The following TBC1D14 variants were observed in gnomAD, a reference collection of about 807,000 sequenced individuals.
The protein encoded by TBC1D14 is TBC1 domain family member 14, also known as TBC1 domain family, member 14.
A neutral mutation model predicts 79.0 loss-of-function variants in TBC1D14; 26 were observed. The observed-to-expected ratio is 0.33, with a 90% CI of 0.24 to 0.46. The LOEUF is 0.46. Among genes scored for constraint, TBC1D14 ranks in the 20% least tolerant of loss-of-function variants. The pLI, the probability that TBC1D14 is intolerant of heterozygous loss-of-function variation, is 1.00. For missense variants in TBC1D14, 769 were observed against 887.6 expected (o/e 0.87, Z 1.70); for synonymous variants, 394 against 349.9 (o/e 1.13, Z -1.40).
intron 12 of TBC1D14, among the ~76,000 whole-genome samples, chr4:7,017,214 C>T (rs1182624450): frequency 6.6e-6 from 1 of 152,148 alleles, no homozygotes; most frequent in African/African-American, 2.4e-5. Context: ...GCACGAGAAT[C>T]ATTTGAACCC....
At position 6,962,263 on chromosome 4, in the gene TBC1D14, G is replaced by A. The variant is rs78326844; in HGVS notation, c.723-5041G>A. On this transcript the variant is annotated intron_variant, in intron 2 of 13. Transcript: ENST00000409757. ...TGCGCTGGCATGTGTGCATATCGGG[G>A]TAGTGGGGCAGGACTCATGAGCTAG... 3.1e-3 allele frequency among the ~76,000 whole-genome samples: 471 copies of A among 152,290 alleles called. 1 individual carries two copies. The highest frequency in any genetic ancestry group is 0.011 in the African/African-American group (442 of 41,550).
chr4:7,018,138 C>G (rs1053959661), intron 12 of TBC1D14, among the ~76,000 whole-genome samples: 6 of 152,194 alleles, frequency 3.9e-5, no homozygotes, highest in Non-Finnish European at 7.3e-5. Context: ...TCTGCTACAT[C>G]AGACCACCTT....
intron 2 of TBC1D14, among the ~76,000 whole-genome samples, chr4:6,958,826 T>C (rs561788980): frequency 3.9e-5 from 6 of 152,220 alleles, no homozygotes; most frequent in African/African-American, 1.4e-4. Context: ...CTCTTGGTTC[T>C]CAAGGTGTCC....
chr4:6,983,191 T>G (rs1160039147), intron 3 of TBC1D14, among the ~76,000 whole-genome samples: 1 of 152,086 alleles, frequency 6.6e-6, no homozygotes, highest in East Asian at 1.9e-4. Flanking sequence ...AGGCTGGTCT[T>G]GAACTCCTGA....
intron 3 of TBC1D14, among the ~76,000 whole-genome samples, chr4:6,978,000 C>A (rs1338139620): frequency 6.6e-6 from 1 of 151,250 alleles, no homozygotes; most frequent in African/African-American, 2.4e-5. Context: ...AGCCCCTCCG[C>A]CCGGCAGCCA....
intron 2 of TBC1D14, among the ~76,000 whole-genome samples, chr4:6,966,771 CTAAAT>C (rs1473025402): frequency 1.3e-5 from 2 of 152,316 alleles, no homozygotes; most frequent in East Asian, 3.9e-4. Context: ...TTTTCTTACT[CTAAAT>C]TATAGAATTA....
intron 2 of TBC1D14, among the ~76,000 whole-genome samples, chr4:6,926,476 A>G (rs1724305440): frequency 6.6e-6 from 1 of 152,230 alleles, no homozygotes; most frequent in Non-Finnish European, 1.5e-5. Context: ...GCTGCAGGAA[A>G]CAAGTGTCTC....
chr4:6,942,045 A>G (rs1029449186), intron 2 of TBC1D14, among the ~76,000 whole-genome samples: 3 of 152,218 alleles, frequency 2.0e-5, no homozygotes, highest in Admixed American at 1.3e-4. Context: ...GCCATCAGCC[A>G]CTTGCTACTC....
intron 5 of TBC1D14, chr4:6,998,757 T>C (rs141265250): frequency 0.013 from 2,787 of 213,286 alleles, 97 homozygotes; most frequent in African/African-American, 0.062. Flanking sequence ...CGGGCTGGTC[T>C]CGAACTCCTG....
chr4:6,993,465 G>A (rs1407866183), intron 3 of TBC1D14, among the ~76,000 whole-genome samples: 1 of 152,118 alleles, frequency 6.6e-6, no homozygotes, highest in African/African-American at 2.4e-5. Context: ...GATTTCCAGG[G>A]CATGGCAAAA....
chr4:6,962,654 C>T (rs1212908919), intron 2 of TBC1D14, among the ~76,000 whole-genome samples: 1 of 152,128 alleles, frequency 6.6e-6, no homozygotes. Context: ...CTACTGGCCA[C>T]CCCCCAGCTC....
At chr4:7,007,643 G>T in intron 9 of TBC1D14, 2 of 1,276,852 alleles carry the variant, frequency 1.6e-6, no homozygotes, top group Non-Finnish European at 2.0e-6. Context: ...AGCCCAGCGA[G>T]CACCCCACTG....
intron 2 of TBC1D14, among the ~76,000 whole-genome samples, chr4:6,928,045 T>G (rs771554080): frequency 1.3e-5 from 2 of 151,984 alleles, no homozygotes; most frequent in African/African-American, 2.4e-5. Flanking sequence ...AGCCAGGGGT[T>G]TAATCTCCTA....
chr4:7,022,451 G>A (rs368371426), intron 12 of TBC1D14, among the ~76,000 whole-genome samples: 2 of 152,242 alleles, frequency 1.3e-5, no homozygotes, highest in Admixed American at 1.3e-4. Context: ...AGGAGGGTGC[G>A]TGCAGTGCAG....
At chr4:7,029,136 A>C (rs1451542573) in intron 13 of TBC1D14, among the ~76,000 whole-genome samples, 3 of 152,242 alleles carry the variant, frequency 2.0e-5, no homozygotes, top group Non-Finnish European at 4.4e-5. Context: ...CACCACGCCC[A>C]GCCATGAGCT....
intron 8 of TBC1D14, among the ~76,000 whole-genome samples, chr4:7,005,470 G>A (rs1171713015): frequency 1.3e-5 from 2 of 152,206 alleles, no homozygotes; most frequent in Non-Finnish European, 2.9e-5. Context: ...GGGAGGTGGA[G>A]GTTGCAGGGA....
intron 11 of TBC1D14, among the ~76,000 whole-genome samples, chr4:7,012,917 G>A (rs1297828743): frequency 6.6e-6 from 1 of 152,134 alleles, no homozygotes; most frequent in Non-Finnish European, 1.5e-5. Flanking sequence ...GTATATACTG[G>A]CCTTACGTTG....
intron 12 of TBC1D14, among the ~76,000 whole-genome samples, chr4:7,022,533 A>C (rs1721931147): frequency 6.6e-6 from 1 of 152,230 alleles, no homozygotes; most frequent in African/African-American, 2.4e-5. Context: ...AGTGACACAC[A>C]GCATGTGGGA....
chr4:6,982,273 A>G (rs1375392647), intron 3 of TBC1D14, among the ~76,000 whole-genome samples: 1 of 152,254 alleles, frequency 6.6e-6, no homozygotes, highest in African/African-American at 2.4e-5. Context: ...ATACAACGAA[A>G]TATGACTCAG....
Sources: gnomAD v4.1 joint callset for allele counts (sites outside exome capture counted in the v4.1 genomes callset) on GRCh38, gnomAD v4.1.1 for gene constraint, MANE v1.5 for transcripts, NCBI Gene and HGNC (gene_info 2026-07-23, HGNC 2026-07-21) for gene names.